The following GPC6 variants were observed in gnomAD, a reference collection of about 807,000 sequenced individuals.
GPC6 encodes the protein glypican-6.
A neutral mutation model predicts 55.2 loss-of-function variants in GPC6; 14 were observed. The observed-to-expected ratio is 0.25, with a 90% confidence interval of 0.17 to 0.40. The LOEUF is 0.40. GPC6 is among the 10% of genes least tolerant of loss of function. The pLI, the probability that GPC6 is intolerant of heterozygous loss-of-function variation, is 1.00. For missense variants in GPC6, 641 were observed against 708.5 expected (o/e 0.90, Z 1.08); for synonymous variants, 278 against 259.6 (o/e 1.07, Z -0.68).
At chr13:93,471,038 G>A (rs9524077) in intron 1 of GPC6, among the ~76,000 whole-genome samples, 44,463 of 151,824 alleles carry the variant, frequency 0.29, 6,639 homozygotes, top group Admixed American at 0.34. Context: ...TACCAATTTT[G>A]TTGATTTTTT....
intron 2 of GPC6, among the ~76,000 whole-genome samples, chr13:93,639,100 AG>A (rs1295222836): frequency 6.6e-6 from 1 of 152,102 alleles, no homozygotes; most frequent in African/African-American, 2.4e-5. Context: ...TAAAAAAAAA[AG>A]TTTGTCACGT....
At chr13:93,429,146 A>T (rs144436191) in intron 1 of GPC6, among the ~76,000 whole-genome samples, 11 of 152,206 alleles carry the variant, frequency 7.2e-5, no homozygotes, top group African/African-American at 2.4e-4. Context: ...AATGACCTGA[A>T]TTTTTTTATT....
intron 4 of GPC6, among the ~76,000 whole-genome samples, chr13:94,203,513 C>G (rs1566539355): frequency 6.6e-6 from 1 of 151,938 alleles, no homozygotes; most frequent in Non-Finnish European, 1.5e-5. Flanking sequence ...TCTTCTTTGT[C>G]CTTAGATTCA....
At chr13:93,444,497 C>T (rs905118151) in intron 1 of GPC6, among the ~76,000 whole-genome samples, 122 of 152,188 alleles carry the variant, frequency 8.0e-4, no homozygotes, top group African/African-American at 2.9e-3. Flanking sequence ...GTCCCAGCTA[C>T]GCGGGAGACT....
intron 2 of GPC6, among the ~76,000 whole-genome samples, chr13:93,571,644 T>C (rs1180820296): frequency 1.3e-5 from 2 of 152,208 alleles, no homozygotes; most frequent in African/African-American, 4.8e-5. Flanking sequence ...TTTTAAAGTC[T>C]TAATAAAGAG....
intron 1 of GPC6, among the ~76,000 whole-genome samples, chr13:93,334,221 G>A: frequency 6.6e-6 from 1 of 151,830 alleles, no homozygotes; most frequent in Non-Finnish European, 1.5e-5. Flanking sequence ...TGTTCTATTT[G>A]TCTTTTTATC....
chr13:93,420,862 A>G (rs1876896843), intron 1 of GPC6, among the ~76,000 whole-genome samples: 1 of 152,118 alleles, frequency 6.6e-6, no homozygotes, highest in Non-Finnish European at 1.5e-5. Context: ...TAGGAGGTTC[A>G]GTAGTGTTAA....
chr13:93,433,398 C>A (rs7325937), intron 1 of GPC6, among the ~76,000 whole-genome samples: 37,061 of 152,056 alleles, frequency 0.24, 4,494 homozygotes, highest in Middle Eastern at 0.29. Flanking sequence ...TGGTGGCTCA[C>A]ATGAAATAGT....
At chr13:93,310,560 T>C (rs924332696) in intron 1 of GPC6, among the ~76,000 whole-genome samples, 6 of 152,238 alleles carry the variant, frequency 3.9e-5, no homozygotes, top group African/African-American at 1.4e-4. Flanking sequence ...GAGATGCCTT[T>C]AGTCCTTAAA....
At position 93,905,079 on chromosome 13, in the gene GPC6, T is replaced by C. The variant is rs571374426; in HGVS notation, c.711+74534T>C. Among the ~76,000 whole-genome samples, 444 of 50,758 alleles carry C rather than the reference T, an allele frequency of 8.7e-3. 2 individuals carry two copies. Among genetic ancestry groups the C allele is most frequent in the African/African-American group, 0.027 (329 of 12,114 alleles). 33.3% of individuals were successfully genotyped at this position (50,758 alleles called of 152,430 possible). ...GTTAGCTTTTCTAAGCATTCTCTCT[T>C]TTTTTTTTTTTTTTGAAAGGGGGTG... On this transcript the variant is annotated intron_variant, in intron 3 of 8. Transcript: ENST00000377047.
At position 93,648,787 on chromosome 13, in the gene GPC6, T is replaced by TA. The variant is rs200005661; in HGVS notation, c.319+103367dup. On this transcript the variant is annotated intron_variant, in intron 2 of 8. Coordinates refer to ENST00000377047, the MANE Select transcript of GPC6 (RefSeq NM_005708.5). Reference sequence around the variant, plus strand: ...AGCTATACCCCAAAATGCAGAGTCATAGAGTCAGAAGGTACCTAAAATTAA... The same window carrying TA: ...AGCTATACCCCAAAATGCAGAGTCATAAGAGTCAGAAGGTACCTAAAATTAA... Among the ~76,000 whole-genome samples the TA allele has an allele frequency of 1.0e-2, 1,518 of 152,280 alleles. 21 individuals carry two copies. The highest frequency in any genetic ancestry group is 0.034 in the African/African-American group (1,419 of 41,568).
intron 6 of GPC6, among the ~76,000 whole-genome samples, chr13:94,367,032 C>T (rs1879317349): frequency 1.3e-5 from 2 of 152,146 alleles, no homozygotes; most frequent in Non-Finnish European, 2.9e-5. Flanking sequence ...AACTGCCTAG[C>T]GAGGGGAGAT....
chr13:93,710,927 A>T (rs1394317143), intron 2 of GPC6, among the ~76,000 whole-genome samples: 3 of 151,800 alleles, frequency 2.0e-5, no homozygotes, highest in Non-Finnish European at 4.4e-5. Context: ...ATAATCATAT[A>T]CTCAATGTTA....
intron 1 of GPC6, among the ~76,000 whole-genome samples, chr13:93,320,350 T>TTA (rs1192026271): frequency 6.6e-6 from 1 of 151,930 alleles, no homozygotes; most frequent in Non-Finnish European, 1.5e-5. Flanking sequence ...AGTGATTCCC[T>TTA]TATATATATA....
At chr13:94,221,612 A>G (rs566385283) in intron 4 of GPC6, among the ~76,000 whole-genome samples, 1 of 152,200 alleles carries the variant, frequency 6.6e-6, no homozygotes, top group African/African-American at 2.4e-5. Flanking sequence ...TTACTTTTAC[A>G]CTAACCTCAT....
intron 3 of GPC6, among the ~76,000 whole-genome samples, chr13:93,929,072 C>T (rs1048654997): frequency 5.3e-5 from 8 of 152,154 alleles, no homozygotes; most frequent in African/African-American, 9.7e-5. Context: ...TTGACAATCT[C>T]ATCACCCCTG....
In GPC6 at chr13:93,328,678, T is replaced by TA. The variant is rs66848105; in HGVS notation, c.160+101076dup. Among the ~76,000 whole-genome samples the TA allele has an allele frequency of 2.8e-3, 373 of 135,504 alleles. 3 individuals are homozygous for TA. The highest frequency in any genetic ancestry group is 6.0e-3 in the African/African-American group (220 of 36,476). 88.9% of individuals were successfully genotyped at this position (135,504 alleles called of 152,430 possible). A position where few individuals can be genotyped will look rare whatever the true frequency, so the allele number is the denominator to read the frequency against. ...TGAAACAGCAAGACCTTGTCTCAAT[T>TA]AAAAAAAAAAAAAAGTCACTCAGAC... On this transcript the variant is annotated intron_variant, in intron 1 of 8. Coordinates refer to ENST00000377047, the MANE Select transcript of GPC6 (RefSeq NM_005708.5).
In GPC6 at chr13:93,927,981, A is replaced by G. The variant is rs138498411; in HGVS notation, c.711+97436A>G. On this transcript the variant is annotated intron_variant, in intron 3 of 8. Coordinates refer to ENST00000377047, the MANE Select transcript of GPC6 (RefSeq NM_005708.5). ...AATTATGTTAGAGTATTTTCAGATG[A>G]TCCAGGTCTGATTTTTTTTGCTTAA... 1.4e-3 allele frequency among the ~76,000 whole-genome samples: 214 copies of G among 151,608 alleles called. 2 individuals are homozygous for G. The highest frequency in any genetic ancestry group is 5.2e-3 in the African/African-American group (212 of 40,938).
intron 1 of GPC6, among the ~76,000 whole-genome samples, chr13:93,269,264 C>A (rs185722783): frequency 7.4e-4 from 113 of 152,100 alleles, no homozygotes; most frequent in African/African-American, 2.6e-3. Flanking sequence ...ATTGACTTTT[C>A]AGGGTTCTAT....
Sources: allele counts gnomAD v4.1 joint callset (sites outside exome capture counted in the v4.1 genomes callset), GRCh38; gene constraint gnomAD v4.1.1; transcripts MANE v1.5; gene names NCBI Gene and HGNC (gene_info 2026-07-23, HGNC 2026-07-21).